ZNF493: variants seen among roughly 807,000 people sequenced by gnomAD.
The protein encoded by ZNF493 is zinc finger protein 493.
A neutral mutation model predicts 12.2 loss-of-function variants in ZNF493; 11 were observed. The observed-to-expected ratio is 0.90, with a 90% confidence interval of 0.57 to 1.50. The LOEUF (loss-of-function observed/expected upper bound fraction) is 1.50, where lower values mean the gene tolerates loss of function less well. Ranked by LOEUF, ZNF493 falls within the 40% of genes most tolerant of loss-of-function variation. ZNF493 has a pLI of 0.00. For missense variants in ZNF493, 950 were observed against 906.6 expected (o/e 1.05, Z -0.61); for synonymous variants, 286 against 302.6 (o/e 0.95, Z 0.57).
chr19:21,426,495 A>T lies in ZNF493; in HGVS notation c.*1511A>T, dbSNP rs1025868336. 3 of 167,308 alleles carry T rather than the reference A, an allele frequency of 1.8e-5. No individual in the cohort carries two copies. The East Asian group carries it at 5.8e-4, about 32-fold the overall frequency. The allele number at this position is 167,308 out of a possible 1,614,324, so 10.4% of individuals were successfully genotyped here. On this transcript the variant is annotated 3_prime_UTR_variant, in exon 4 of 4. Transcript: ENST00000392288. Reference sequence around the variant, plus strand: ...TCCTTTAAAGTGAAGGAGAGTATTTATATTAAAGATGAACATTACAACCAT... The same window carrying T: ...TCCTTTAAAGTGAAGGAGAGTATTTTTATTAAAGATGAACATTACAACCAT...
chr19:21,412,827 A>G lies in ZNF493; in HGVS notation c.253+6971A>G, dbSNP rs908228602. ...ACAACTTTGTAGAGTGTCTTTCTAG[A>G]TGCTTTTTTATTCTTTCCCAAATTT... On this transcript the variant is annotated intron_variant, in intron 3 of 3. Transcript: ENST00000392288. 1.2e-5 allele frequency: 4 copies of G among 330,280 alleles called. No homozygotes were observed. In the Admixed American group the frequency reaches 1.7e-4, roughly 14 times the overall value. 20.5% of individuals were successfully genotyped at this position (330,280 alleles called of 1,614,324 possible). A position where few individuals can be genotyped will look rare whatever the true frequency, so the allele number is the denominator to read the frequency against.
intron 3 of ZNF493, among the ~76,000 whole-genome samples, chr19:21,422,681 T>G (rs1259301249): frequency 6.6e-6 from 1 of 152,060 alleles, no homozygotes; most frequent in Non-Finnish European, 1.5e-5. Flanking sequence ...GCTTTTCCCT[T>G]CTGTGTGACT....
Position 21,415,364 on chromosome 19 carries a change from G to C in ZNF493, c.254-7549G>C, listed in dbSNP as rs2030456178. Among the ~76,000 whole-genome samples the C allele has an allele frequency of 2.0e-5, 3 of 152,108 alleles. 1 individual carries two copies. In the South Asian group the frequency reaches 6.2e-4, roughly 32 times the overall value. The stretch of plus-strand genomic sequence containing the variant: ...CTCATGGCATAGGTAGGAATGCCTA[G>C]AGCAGATTGTATCCAATTAATGCCC... On this transcript the variant is annotated intron_variant, in intron 3 of 3. Coordinates refer to ENST00000392288, the MANE Select transcript of ZNF493 (RefSeq NM_001076678.3).
intron 3 of ZNF493, chr19:21,414,643 A>G (rs2030426946): frequency 6.6e-6 from 1 of 152,216 alleles, no homozygotes; most frequent in Non-Finnish European, 1.5e-5. Context: ...TGTGGAATGA[A>G]CCACGTGTGA....
rs2030826273 is a variant in ZNF493, at chr19:21,425,303, C to T, written c.*319C>T. 1 of 445,460 alleles carries T rather than the reference C, an allele frequency of 2.2e-6. No individual in the cohort carries two copies. The allele number at this position is 445,460 out of a possible 1,614,324, so 27.6% of individuals were successfully genotyped here. A position where few individuals can be genotyped will look rare whatever the true frequency, so the allele number is the denominator to read the frequency against. The stretch of plus-strand genomic sequence containing the variant: ...AAGAATGTGACAAAGCTTTTAACCA[C>T]TTCTCAACCCTGCCTACACGTAAGA... On this transcript the variant is annotated 3_prime_UTR_variant, in exon 4 of 4. Transcript: ENST00000392288.
chr19:21,403,213 C>G (rs147380020), intron 1 of ZNF493, among the ~76,000 whole-genome samples: 130 of 152,296 alleles, frequency 8.5e-4, no homozygotes, highest in East Asian at 7.1e-3. Flanking sequence ...AATTGTGTCT[C>G]ATGTGACTCT....
rs1599380280 is a variant in ZNF493 at position 21,421,818 on chromosome 19, T to G, written c.254-1095T>G. Among the ~76,000 whole-genome samples the G allele has an allele frequency of 2.0e-5, 3 of 152,116 alleles. No individual in the cohort carries two copies. In the East Asian group the frequency reaches 5.8e-4, roughly 29 times the overall value. Reference sequence around the variant, plus strand: ...TCTTTGAGTGTGTCTTGTCTGAAATTTTGTGTTTATTTTTTAGTTAAAGGA... The same window carrying G: ...TCTTTGAGTGTGTCTTGTCTGAAATGTTGTGTTTATTTTTTAGTTAAAGGA... On this transcript the variant is annotated intron_variant, in intron 3 of 3. Coordinates refer to ENST00000392288, the MANE Select transcript of ZNF493 (RefSeq NM_001076678.3).
chr19:21,420,614 TATATATATA>T lies in ZNF493; in HGVS notation c.254-2298_254-2290del, dbSNP rs1277364706. ...GATTATATATATATATATATATATA[TATATATATA>T]TTTTTTTTTTTTTTTTTTTTTTTTT... On this transcript the variant is annotated intron_variant, in intron 3 of 3. Transcript: ENST00000392288. Among the ~76,000 whole-genome samples the T allele has an allele frequency of 4.3e-4, 9 of 20,770 alleles. 1 individual carries two copies. The South Asian group carries it at 0.011, about 25-fold the overall frequency. The allele number at this position is 20,770 out of a possible 152,430, so 13.6% of individuals were successfully genotyped here.
chr19:21,411,591 G>T (rs1227833387), intron 3 of ZNF493, among the ~76,000 whole-genome samples: 1 of 151,766 alleles, frequency 6.6e-6, no homozygotes, highest in East Asian at 2.0e-4. Flanking sequence ...GTGGTGGCGT[G>T]CGCCTGTAGT....
rs1016733093 is a variant in ZNF493, at chr19:21,426,075, C to T, written c.*1091C>T. On this transcript the variant is annotated 3_prime_UTR_variant, in exon 4 of 4. Coordinates refer to ENST00000392288, the MANE Select transcript of ZNF493 (RefSeq NM_001076678.3). ...TAGTCCTCAGTTCTTAACACACATA[C>T]GATAATTCTTACTGCAGAGAAACTC... 2.9e-5 allele frequency: 10 copies of T among 340,944 alleles called. No homozygotes were observed. The highest frequency in any genetic ancestry group is 4.2e-5 in the Non-Finnish European group (7 of 166,656). The allele number at this position is 340,944 out of a possible 1,614,324, so 21.1% of individuals were successfully genotyped here.
intron 1 of ZNF493, among the ~76,000 whole-genome samples, chr19:21,399,222 C>T (rs922739915): frequency 1.3e-5 from 2 of 151,572 alleles, no homozygotes; most frequent in Non-Finnish European, 2.9e-5. Context: ...GTGCTGTGGC[C>T]CGATCTCGGC....
intron 1 of ZNF493, among the ~76,000 whole-genome samples, chr19:21,402,926 C>T (rs1380084867): frequency 6.6e-6 from 1 of 152,186 alleles, no homozygotes. Context: ...CAAAAGCTAG[C>T]ACATCAGGAT....
chr19:21,421,956 C>T (rs2030691327), intron 3 of ZNF493, among the ~76,000 whole-genome samples: 1 of 152,158 alleles, frequency 6.6e-6, no homozygotes, highest in African/African-American at 2.4e-5. Flanking sequence ...AGCAATTCTC[C>T]TGCCACAGCC....
intron 1 of ZNF493, among the ~76,000 whole-genome samples, chr19:21,400,544 G>A (rs2029903553): frequency 6.6e-6 from 1 of 152,118 alleles, no homozygotes; most frequent in African/African-American, 2.4e-5. Context: ...TAAAGGTTGA[G>A]CCCAGTGACT....
intron 3 of ZNF493, among the ~76,000 whole-genome samples, chr19:21,420,591 T>TTTTATATA (rs1491162530): frequency 2.8e-4 from 3 of 10,680 alleles, no homozygotes; most frequent in African/African-American, 9.3e-4. Flanking sequence ...ACTCACTTGA[T>TTTTATATA]TATATATATA....
In ZNF493 at chr19:21,425,877, T is replaced by A. The variant is rs2030844098; in HGVS notation, c.*893T>A. The A allele has an allele frequency of 1.7e-6, 1 of 594,980 alleles. No homozygotes were observed. The highest frequency in any genetic ancestry group is 3.2e-6 in the Non-Finnish European group (1 of 314,700). 36.9% of individuals were successfully genotyped at this position (594,980 alleles called of 1,614,324 possible). On this transcript the variant is annotated 3_prime_UTR_variant, in exon 4 of 4. Transcript: ENST00000392288. Reference sequence around the variant, plus strand: ...ACAACTGTGAAGAATGTGGCAAAGCTTTTAACCAGTCCTCAAACTTTATTG... The same window carrying A: ...ACAACTGTGAAGAATGTGGCAAAGCATTTAACCAGTCCTCAAACTTTATTG...
In ZNF493 at chr19:21,425,014, A is replaced by G; in HGVS notation, c.*30A>G. The stretch of plus-strand genomic sequence containing the variant: ...TGTGGCAAAGGCCTTTACTGCTCCT[A>G]TTCCCTTACTAAAGAATGTGGCAAA... On this transcript the variant is annotated 3_prime_UTR_variant, in exon 4 of 4. Coordinates refer to ENST00000392288, the MANE Select transcript of ZNF493 (RefSeq NM_001076678.3). The G allele has an allele frequency of 1.9e-6, 3 of 1,569,250 alleles. No homozygotes were observed. The highest frequency in any genetic ancestry group is 2.6e-6 in the Non-Finnish European group (3 of 1,161,654).
intron 2 of ZNF493, 30 bp from the exon 3 acceptor site, chr19:21,405,731 G>C: frequency 6.4e-7 from 1 of 1,573,602 alleles, no homozygotes; most frequent in Non-Finnish European, 8.7e-7. Context: ...ATATGAGCAA[G>C]ATTCATGTTA....
Position 21,425,748 on chromosome 19 carries a change from A to G in ZNF493, c.*764A>G. ...ATTTTCAAACCTTACTAAACATAAG[A>G]TAACTCATACTGGAGAAAAATCTTA... On this transcript the variant is annotated 3_prime_UTR_variant, in exon 4 of 4. Coordinates refer to ENST00000392288, the MANE Select transcript of ZNF493 (RefSeq NM_001076678.3). 5 of 616,222 alleles carry G rather than the reference A, an allele frequency of 8.1e-6. No individual in the cohort carries two copies. The highest frequency in any genetic ancestry group is 1.2e-5 in the Non-Finnish European group (4 of 332,836). The allele number at this position is 616,222 out of a possible 1,614,324, so 38.2% of individuals were successfully genotyped here.
Sources: gnomAD v4.1 joint callset for allele counts (sites outside exome capture counted in the v4.1 genomes callset) on GRCh38, gnomAD v4.1.1 for gene constraint, MANE v1.5 for transcripts, NCBI Gene and HGNC (gene_info 2026-07-23, HGNC 2026-07-21) for gene names.